Variants in IL1RAPL2 observed in about 807,000 individuals in gnomAD.
IL1RAPL2 encodes X-linked interleukin-1 receptor accessory protein-like 2.
Under a neutral mutation model 44.1 loss-of-function variants are expected in IL1RAPL2, and 3 were observed. The ratio of observed to expected loss-of-function variants is 0.07; its 90% CI spans 0.03 to 0.18. The LOEUF (loss-of-function observed/expected upper bound fraction) is 0.18, where lower values mean the gene tolerates loss of function less well. Among genes scored for constraint, IL1RAPL2 ranks in the 10% least tolerant of loss-of-function variants. IL1RAPL2 has a pLI of 1.00. For synonymous variants in IL1RAPL2, 181 were observed against 178.8 expected, an observed-to-expected ratio of 1.01 and a Z score of -0.10; for missense variants, 391 against 496.4, an observed-to-expected ratio of 0.79 and a Z score of 2.02.
At chrX:104,743,033 G>A (rs1340148505) in intron 2 of IL1RAPL2, among the ~76,000 whole-genome samples, 2 of 111,321 alleles carry the variant, frequency 1.8e-5, no homozygotes, top group African/African-American at 6.5e-5. Context: ...TATATGTTTT[G>A]TAGAAATATA....
At chrX:105,034,867 C>T (rs1468892589) in intron 2 of IL1RAPL2, among the ~76,000 whole-genome samples, 1 of 112,273 alleles carries the variant, frequency 8.9e-6, no homozygotes, top group Admixed American at 9.4e-5. Flanking sequence ...AGGAAGGCCT[C>T]CTTGAGCTGT....
intron 5 of IL1RAPL2, among the ~76,000 whole-genome samples, chrX:105,285,544 A>C (rs1450047907): frequency 8.9e-6 from 1 of 111,795 alleles, no homozygotes; most frequent in Non-Finnish European, 1.9e-5. Context: ...TTTGAATAGC[A>C]TACAGTCTGA....
intron 5 of IL1RAPL2, among the ~76,000 whole-genome samples, chrX:105,456,633 GAAGT>G (rs1345954576): frequency 9.0e-6 from 1 of 110,926 alleles, no homozygotes; most frequent in Non-Finnish European, 1.9e-5. Flanking sequence ...CTACTTTCTT[GAAGT>G]AAGACCTTGG....
intron 6 of IL1RAPL2, among the ~76,000 whole-genome samples, chrX:105,675,780 C>T (rs1018212032): frequency 2.7e-5 from 3 of 111,145 alleles, no homozygotes; most frequent in African/African-American, 9.8e-5. Flanking sequence ...GTTGTAAATC[C>T]AACTGGTCTT....
intron 2 of IL1RAPL2, among the ~76,000 whole-genome samples, chrX:104,883,527 C>T (rs1267211613): frequency 9.0e-6 from 1 of 111,500 alleles, no homozygotes; most frequent in Non-Finnish European, 1.9e-5. Context: ...CCAAGCGAGA[C>T]TCGCCCATCT....
chrX:105,732,536 A>G (rs1049674091), intron 7 of IL1RAPL2, among the ~76,000 whole-genome samples: 7 of 110,831 alleles, frequency 6.3e-5, no homozygotes, highest in African/African-American at 2.3e-4. Context: ...CTGTGAGTAA[A>G]AGCTGCCTGA....
chrX:105,353,341 G>A (rs1163917325), intron 5 of IL1RAPL2, among the ~76,000 whole-genome samples: 2 of 111,608 alleles, frequency 1.8e-5, no homozygotes, highest in Non-Finnish European at 3.8e-5. Context: ...TAGGCTTGTA[G>A]TATAGTTTGA....
At chrX:104,929,243 C>G (rs1395023041) in intron 2 of IL1RAPL2, among the ~76,000 whole-genome samples, 1 of 111,592 alleles carries the variant, frequency 9.0e-6, no homozygotes, top group Non-Finnish European at 1.9e-5. Context: ...AATTTGGACC[C>G]CATCAAGAAA....
chrX:104,648,101 A>T, intron 1 of IL1RAPL2: 4 of 421,888 alleles, frequency 9.5e-6, no homozygotes, highest in Non-Finnish European at 1.3e-5. Flanking sequence ...TTCCATACAC[A>T]TACACACACA....
intron 2 of IL1RAPL2, among the ~76,000 whole-genome samples, chrX:104,937,961 C>T (rs1296217273): frequency 8.9e-6 from 1 of 112,398 alleles, no homozygotes; most frequent in African/African-American, 3.2e-5. Flanking sequence ...TCCTAAATTA[C>T]AGGCAGCCAC....
At chrX:105,177,941 A>G (rs1446871361) in intron 2 of IL1RAPL2, among the ~76,000 whole-genome samples, 1 of 111,525 alleles carries the variant, frequency 9.0e-6, no homozygotes, top group Non-Finnish European at 1.9e-5. Flanking sequence ...GGTATTTAGG[A>G]TATCCATCAC....
At chrX:104,851,172 G>A (rs1922214774) in intron 2 of IL1RAPL2, among the ~76,000 whole-genome samples, 1 of 111,100 alleles carries the variant, frequency 9.0e-6, no homozygotes. Context: ...TTTGCTCTTG[G>A]AAGATGTTTA....
At chrX:104,668,845 G>A (rs1186302080) in intron 2 of IL1RAPL2, among the ~76,000 whole-genome samples, 1 of 110,260 alleles carries the variant, frequency 9.1e-6, no homozygotes, top group African/African-American at 3.3e-5. Context: ...AGTCACCATA[G>A]TGTGATTGGT....
At chrX:104,787,460 G>T (rs1185942883) in intron 2 of IL1RAPL2, among the ~76,000 whole-genome samples, 1 of 111,614 alleles carries the variant, frequency 9.0e-6, no homozygotes, top group Non-Finnish European at 1.9e-5. Context: ...TATCAGCCAA[G>T]GCATAGTTGA....
At chrX:104,890,390 T>C (rs1372047923) in intron 2 of IL1RAPL2, among the ~76,000 whole-genome samples, 3 of 112,027 alleles carry the variant, frequency 2.7e-5, no homozygotes, top group Non-Finnish European at 5.6e-5. Flanking sequence ...TCCACAATGA[T>C]AGAACTAGTT....
intron 2 of IL1RAPL2, among the ~76,000 whole-genome samples, chrX:104,972,863 G>A (rs1460936215): frequency 8.9e-6 from 1 of 112,094 alleles, no homozygotes; most frequent in Non-Finnish European, 1.9e-5. Context: ...ACTGCTGGCT[G>A]AGTGTTGATT....
At chrX:104,633,134 G>A (rs982275831) in intron 1 of IL1RAPL2, among the ~76,000 whole-genome samples, 1 of 111,497 alleles carries the variant, frequency 9.0e-6, no homozygotes, top group Admixed American at 9.6e-5. Context: ...TTTATATGCT[G>A]GATTATGTTT....
intron 6 of IL1RAPL2, among the ~76,000 whole-genome samples, chrX:105,646,939 C>A (rs1005794275): frequency 8.9e-6 from 1 of 112,438 alleles, no homozygotes; most frequent in African/African-American, 3.2e-5. Flanking sequence ...GTGGGCCGCT[C>A]CCAAGATGGC....
At chrX:104,953,788 G>C (rs1602849924) in intron 2 of IL1RAPL2, among the ~76,000 whole-genome samples, 1 of 111,666 alleles carries the variant, frequency 9.0e-6, no homozygotes, top group African/African-American at 3.3e-5. Context: ...CATAAATTTA[G>C]TCACCCTAAT....
Sources: gnomAD v4.1 joint callset for allele counts (sites outside exome capture counted in the v4.1 genomes callset) on GRCh38, gnomAD v4.1.1 for gene constraint, MANE v1.5 for transcripts, NCBI Gene and HGNC (gene_info 2026-07-23, HGNC 2026-07-21) for gene names.